Variants in KAT8 observed in about 807,000 individuals in gnomAD.
KAT8 encodes lysine acetyltransferase 8, also known as histone acetyltransferase KAT8.
In KAT8, 40 loss-of-function variants were observed where a neutral mutation model predicts 62.9. The ratio of observed to expected loss-of-function variants is 0.64; its 90% CI spans 0.49 to 0.83. The LOEUF is 0.83. Among genes scored for constraint, KAT8 ranks in the 40% least tolerant of loss-of-function variants. KAT8 has a pLI of 0.00. For missense variants in KAT8, 387 were observed against 614.8 expected (o/e 0.63, Z 3.92); for synonymous variants, 278 against 254.5 (o/e 1.09, Z -0.88).
At chr16:31,129,235 G>C (rs894684437) in intron 6 of KAT8, among the ~76,000 whole-genome samples, 1 of 152,238 alleles carries the variant, frequency 6.6e-6, no homozygotes, top group Non-Finnish European at 1.5e-5. Context: ...CTTGGGGCTT[G>C]ATTAGCCTTG....
At position 31,130,329 on chromosome 16, in the gene KAT8, C is replaced by T. The variant is rs749868794; in HGVS notation, c.975C>T (p.Arg325=). ...ACILTLPPYQ[R]RGYGKFLIAF... ...TCCTGACCTTGCCCCCCTACCAACG[C>T]CGCGGCTACGGGAAGTTCCTCATCG... Residue 325 remains arginine (R), a synonymous_variant, in exon 8 of 11, where the codon CGC becomes CGT. Transcript: ENST00000219797. 2.6e-5 allele frequency: 42 copies of T among 1,614,110 alleles called. No homozygotes were observed. The highest frequency in any genetic ancestry group is 3.4e-5 in the Non-Finnish European group (40 of 1,180,040).
At chr16:31,128,834 T>G (rs115602173) in intron 6 of KAT8, among the ~76,000 whole-genome samples, 1,902 of 152,368 alleles carry the variant, frequency 0.012, 49 homozygotes, top group African/African-American at 0.044. Flanking sequence ...TTTGAGTTCC[T>G]TGTTCCTGGC....
At chr16:31,131,053 C>T in intron 10 of KAT8, 142 bp from the exon 11 acceptor site, 1 of 1,501,998 alleles carries the variant, frequency 6.7e-7, no homozygotes, top group Non-Finnish European at 8.9e-7. Flanking sequence ...CATTCCTGGG[C>T]TTCCCTACCC....
chr16:31,121,461 C>T (rs987992411), intron 3 of KAT8, among the ~76,000 whole-genome samples: 1 of 152,066 alleles, frequency 6.6e-6, no homozygotes, highest in African/African-American at 2.4e-5. Context: ...TGACATTTCA[C>T]AGTAGGCCTG....
chr16:31,123,502 C>T (rs940121205), intron 3 of KAT8, among the ~76,000 whole-genome samples: 1 of 148,094 alleles, frequency 6.8e-6, no homozygotes, highest in African/African-American at 2.5e-5. Context: ...AGCCACCGTG[C>T]CCAGCCAAAA....
chr16:31,122,852 C>T (rs1439315684), intron 3 of KAT8, among the ~76,000 whole-genome samples: 2 of 148,532 alleles, frequency 1.3e-5, no homozygotes, highest in East Asian at 4.0e-4. Context: ...TCACTCCAGC[C>T]TGGGTGACAG....
At chr16:31,118,007 A>G in intron 1 of KAT8, 115 bp downstream of exon 1, 1 of 769,772 alleles carries the variant, frequency 1.3e-6, no homozygotes, top group Non-Finnish European at 1.8e-6. Flanking sequence ...AGTGGAGAGG[A>G]GGAGGGGCGG....
At chr16:31,130,975 CT>C in intron 10 of KAT8, 75 bp downstream of exon 10, 2 of 1,555,592 alleles carry the variant, frequency 1.3e-6, no homozygotes, top group Middle Eastern at 1.8e-4. Context: ...TCAAGGCCTC[CT>C]TATTGCTGTC....
chr16:31,120,885 T>A (rs917062759), intron 3 of KAT8: 1 of 205,708 alleles, frequency 4.9e-6, no homozygotes, highest in Non-Finnish European at 1.0e-5. Context: ...CCAAGTGCTG[T>A]ATATGTATAA....
chr16:31,126,674 C>T (rs993097945), intron 3 of KAT8: 11 of 273,488 alleles, frequency 4.0e-5, no homozygotes, highest in African/African-American at 6.6e-5. Flanking sequence ...ACAGTTCTTA[C>T]GCTGGGCCTG....
At chr16:31,125,964 C>T (rs1314383075) in intron 3 of KAT8, 4 of 152,176 alleles carry the variant, frequency 2.6e-5, no homozygotes, top group African/African-American at 7.2e-5. Flanking sequence ...GACCACTTCT[C>T]GCTGAACTTG....
chr16:31,118,872 C>T (rs1225860476), intron 1 of KAT8: 1 of 150,666 alleles, frequency 6.6e-6, no homozygotes, highest in African/African-American at 2.4e-5. Flanking sequence ...TACTATTATC[C>T]CTTTTGTCTT....
In KAT8 at chr16:31,120,225, A is replaced by G; in HGVS notation, c.251A>G (p.Glu84Gly). The G allele has an allele frequency of 6.2e-7, 1 of 1,614,194 alleles. No individual in the cohort carries two copies. Among genetic ancestry groups the G allele is most frequent in the Non-Finnish European group, 8.5e-7 (1 of 1,180,034 alleles). ...ATCCAGTCTCGAGTGAACGACCAGG[A>G]GGGCCGAGAGGAATTCTATGTACAC... ...EVIQSRVNDQ[E>G]GREEFYVHYV... is the part of the protein sequence containing the mutation. The change falls in exon 2 of 11, where the codon GAG (glutamate) becomes GGG (glycine). Residue 84 changes from glutamate (E) to glycine (G), a missense_variant. This residue lies in a region of KAT8 where 69 missense variants were observed against 127.0 expected (regional missense o/e 0.54). Transcript: ENST00000219797.
chr16:31,131,008 A>C (rs902260541), intron 10 of KAT8, 108 bp downstream of exon 10: 1 of 1,521,250 alleles, frequency 6.6e-7, no homozygotes, highest in African/African-American at 1.4e-5. Context: ...AACCAGTCAG[A>C]CCAGCTCCCA....
Position 31,131,225 on chromosome 16 carries a change from C to G in KAT8, c.1343C>G (p.Pro448Arg), listed in dbSNP as rs771185890. 3 of 1,614,026 alleles carry G rather than the reference C, an allele frequency of 1.9e-6. No homozygotes were observed. The African/African-American group carries it at 4.0e-5, about 22-fold the overall frequency. ...VDSVCLKWAP[P>R]KHKQVKLSKK is the part of the protein sequence containing the mutation. Reference sequence around the variant, plus strand: ...TCCGTCTGCCTCAAGTGGGCACCCCCCAAGCACAAGCAAGTCAAGCTCTCC... The same window carrying G: ...TCCGTCTGCCTCAAGTGGGCACCCCGCAAGCACAAGCAAGTCAAGCTCTCC... The change falls in exon 11 of 11, where the codon CCC (proline) becomes CGC (arginine). Residue 448 changes from proline to arginine, a missense_variant. Transcript: ENST00000219797.
intron 3 of KAT8, chr16:31,125,682 A>G (rs1251362271): frequency 6.6e-6 from 1 of 152,002 alleles, no homozygotes; most frequent in Non-Finnish European, 1.5e-5. Context: ...ATATAAACAT[A>G]TAGGCACAGT....
rs2057517318 is a variant in KAT8, at chr16:31,124,039, T to C, written c.463-2996T>C. On this transcript the variant is annotated intron_variant, in intron 3 of 10. Coordinates refer to ENST00000219797, the MANE Select transcript of KAT8 (RefSeq NM_032188.3). Reference sequence around the variant, plus strand: ...TCAGAGCCTAATTAATGTTTAATTCTAAATAAATTGCAACAATTAAGAAAA... The same window carrying C: ...TCAGAGCCTAATTAATGTTTAATTCCAAATAAATTGCAACAATTAAGAAAA... The C allele has an allele frequency of 2.0e-5, 3 of 152,270 alleles. No homozygotes were observed. In the South Asian group the frequency reaches 6.2e-4, roughly 31 times the overall value. The allele number at this position is 152,270 out of a possible 1,614,324, so 9.4% of individuals were successfully genotyped here. A position where few individuals can be genotyped will look rare whatever the true frequency, so the allele number is the denominator to read the frequency against.
intron 3 of KAT8, among the ~76,000 whole-genome samples, chr16:31,125,246 C>T (rs537419698): frequency 6.8e-4 from 103 of 151,522 alleles, no homozygotes; most frequent in Non-Finnish European, 1.4e-3. Flanking sequence ...GAATAAATGG[C>T]AGCTCACTAG....
Position 31,130,070 on chromosome 16 carries a change from A to G in KAT8, c.825A>G (p.Thr275=), listed in dbSNP as rs1313320828. 40 of 1,613,556 alleles carry G rather than the reference A, an allele frequency of 2.5e-5. No individual in the cohort carries two copies. The highest frequency in any genetic ancestry group is 3.4e-5 in the Non-Finnish European group (40 of 1,179,970). ...LLAKLFLDHK[T]LYFDVEPFVF... is the part of the protein sequence containing the mutation. ...CCAAGCTTTTCCTGGACCATAAGAC[A>G]CTGTACTTTGACGTGGAGCCGTTCG... The change falls in exon 7 of 11, where the codon ACA becomes ACG. Residue 275 remains threonine (T), a synonymous_variant. Coordinates refer to ENST00000219797, the MANE Select transcript of KAT8 (RefSeq NM_032188.3).
Sources: allele counts gnomAD v4.1 joint callset (sites outside exome capture counted in the v4.1 genomes callset), GRCh38; gene constraint gnomAD v4.1.1; regional missense constraint gnomAD v4.1.1; transcripts MANE v1.5; gene names NCBI Gene and HGNC (gene_info 2026-07-23, HGNC 2026-07-21).